CDH2: variants seen among roughly 807,000 people sequenced by gnomAD.
CDH2 encodes cadherin-2.
Under a neutral mutation model 92.0 loss-of-function variants are expected in CDH2, and 17 were observed. The observed-to-expected ratio is 0.18, with a 90% confidence interval of 0.13 to 0.28. The LOEUF is 0.28. CDH2 is among the 10% of genes least tolerant of loss of function. The pLI is 1.00. For synonymous variants in CDH2, 419 were observed against 415.9 expected (o/e 1.01, Z -0.09); for missense variants, 862 against 1,133.1 (o/e 0.76, Z 3.44).
chr18:28,041,389 T>C (rs932364294), intron 2 of CDH2, among the ~76,000 whole-genome samples: 2 of 152,210 alleles, frequency 1.3e-5, no homozygotes, highest in Non-Finnish European at 2.9e-5. Flanking sequence ...TATTTTCTCA[T>C]TGTAATCACA....
At chr18:28,009,171 A>G (rs2013025763) in intron 5 of CDH2, among the ~76,000 whole-genome samples, 1 of 152,192 alleles carries the variant, frequency 6.6e-6, no homozygotes, top group South Asian at 2.1e-4. Flanking sequence ...GCAGTGTAAA[A>G]ACGATGTTAT....
intron 2 of CDH2, among the ~76,000 whole-genome samples, chr18:28,026,948 C>T (rs1373450452): frequency 1.3e-5 from 2 of 152,040 alleles, no homozygotes; most frequent in Non-Finnish European, 2.9e-5. Context: ...GTAGAAGGGA[C>T]ACATATCACT....
At chr18:27,955,775 T>TTTTTTTTTTTTTTTTTTTTTTTTTTTG (rs2011232569) in intron 15 of CDH2, among the ~76,000 whole-genome samples, 1 of 133,500 alleles carries the variant, frequency 7.5e-6, no homozygotes, top group Non-Finnish European at 1.6e-5. Context: ...TTTTTTTTTT[T>TTTTTTTTTTTTTTTTTTTTTTTTTTTG]TTTTTAAAGA....
At chr18:28,042,018 G>C (rs2013957179) in intron 2 of CDH2, among the ~76,000 whole-genome samples, 1 of 151,738 alleles carries the variant, frequency 6.6e-6, no homozygotes, top group African/African-American at 2.4e-5. Context: ...ATATTAAGAG[G>C]GTAATCATCA....
At chr18:27,983,881 A>G (rs1334575940) in intron 13 of CDH2, among the ~76,000 whole-genome samples, 1 of 152,260 alleles carries the variant, frequency 6.6e-6, no homozygotes, top group Non-Finnish European at 1.5e-5. Context: ...CCCTAGGTGC[A>G]CATCTAGGAA....
chr18:28,064,752 A>G (rs1042673577), intron 2 of CDH2, among the ~76,000 whole-genome samples: 5 of 152,008 alleles, frequency 3.3e-5, no homozygotes, highest in African/African-American at 7.2e-5. Flanking sequence ...TAAATCACCA[A>G]TGTTACTGGA....
chr18:28,072,971 C>T (rs894880667), intron 2 of CDH2, among the ~76,000 whole-genome samples: 1 of 152,122 alleles, frequency 6.6e-6, no homozygotes, highest in Non-Finnish European at 1.5e-5. Flanking sequence ...CATCTAGCAT[C>T]CCTATTACTG....
intron 2 of CDH2, among the ~76,000 whole-genome samples, chr18:28,114,885 G>C (rs1289367199): frequency 4.0e-5 from 6 of 150,942 alleles, no homozygotes; most frequent in Non-Finnish European, 8.8e-5. Context: ...GCTGCCTACA[G>C]AATGCAAAAA....
rs994026564 is a variant in CDH2, at chr18:28,116,654, G to GT, written c.172+31018dup. 1.8e-4 allele frequency among the ~76,000 whole-genome samples: 28 copies of GT among 152,220 alleles called. 1 individual carries two copies. In the South Asian group the frequency reaches 5.2e-3, roughly 28 times the overall value. On this transcript the variant is annotated intron_variant, in intron 2 of 15. Coordinates refer to ENST00000269141, the MANE Select transcript of CDH2 (RefSeq NM_001792.5). ...ATACCAAAGGTCACTGACATTCAAGGTTTTTATACAAAACCAGCTAATGAT... is the reference window on the plus strand; with the variant it reads ...ATACCAAAGGTCACTGACATTCAAGGTTTTTTATACAAAACCAGCTAATGAT...
intron 2 of CDH2, among the ~76,000 whole-genome samples, chr18:28,045,207 C>T (rs943104520): frequency 3.9e-5 from 6 of 152,106 alleles, no homozygotes; most frequent in Non-Finnish European, 7.4e-5. Flanking sequence ...AAGGTTATAT[C>T]CTCTCCACTT....
chr18:28,056,013 A>G (rs2014285627), intron 2 of CDH2, among the ~76,000 whole-genome samples: 1 of 152,160 alleles, frequency 6.6e-6, no homozygotes, highest in Non-Finnish European at 1.5e-5. Context: ...AGTAGGGCAA[A>G]TGACTCCATA....
At chr18:28,154,442 T>C (rs554856599) in intron 1 of CDH2, among the ~76,000 whole-genome samples, 1 of 152,344 alleles carries the variant, frequency 6.6e-6, no homozygotes, top group Non-Finnish European at 1.5e-5. Context: ...CAATTTCCTC[T>C]TACAAGTATT....
At chr18:28,156,333 C>A (rs1036697002) in intron 1 of CDH2, among the ~76,000 whole-genome samples, 5 of 152,178 alleles carry the variant, frequency 3.3e-5, no homozygotes, top group Non-Finnish European at 5.9e-5. Context: ...GGCAGCCCCA[C>A]AATACAAGAG....
Position 28,005,861 on chromosome 18 carries a change from C to T in CDH2, c.835G>A (p.Gly279Arg), listed in dbSNP as rs1300747599. The change falls in exon 6 of 16, where the codon GGA (glycine) becomes AGA (arginine). Residue 279 changes from glycine to arginine, a missense_variant. Physicochemically the swap from Gly to Arg is moderately radical, Grantham distance 125. This residue lies in a region of CDH2 where 564 missense variants were observed against 722.2 expected (regional missense o/e 0.78). Coordinates refer to ENST00000269141, the MANE Select transcript of CDH2 (RefSeq NM_001792.5). ...HQVWNGTVPEGSKPGTYVMTV... is the reference protein window; with the variant it reads ...HQVWNGTVPERSKPGTYVMTV... ...TCTTTAAACTTACCAGGCTTTGATCCCTCAGGAACTGTCCCATTCCAAACC... is the reference window on the plus strand; with the variant it reads ...TCTTTAAACTTACCAGGCTTTGATCTCTCAGGAACTGTCCCATTCCAAACC... The T allele has an allele frequency of 6.2e-7, 1 of 1,610,110 alleles. No individual in the cohort carries two copies. The highest frequency in any genetic ancestry group is 8.5e-7 in the Non-Finnish European group (1 of 1,177,708).
chr18:28,018,768 TA>T (rs1195639474), intron 2 of CDH2, among the ~76,000 whole-genome samples: 1 of 151,702 alleles, frequency 6.6e-6, no homozygotes, highest in African/African-American at 2.4e-5. Context: ...GGTAATTCCT[TA>T]AAAAACTAAA....
rs2013286494 is a variant in CDH2 at position 28,017,545 on chromosome 18, T to C, written c.173-3636A>G. Among the ~76,000 whole-genome samples, 4 of 152,290 alleles carry C rather than the reference T, an allele frequency of 2.6e-5. 1 individual carries two copies. The South Asian group carries it at 8.3e-4, about 32-fold the overall frequency. On this transcript the variant is annotated intron_variant, in intron 2 of 15. Transcript: ENST00000269141. ...TCGTTAACGGTCTACTAGTTTTACT[T>C]ATCTTTCAAATAACCAGCTTTTTGT...
At position 27,985,708 on chromosome 18, in the gene CDH2, T is replaced by C; in HGVS notation, c.1795A>G (p.Asn599Asp). The change falls in exon 12 of 16, where the codon AAT (asparagine) becomes GAT (aspartate). Residue 599 changes from asparagine to aspartate, a missense_variant. By Grantham distance (23) the Asn-to-Asp change is conservative (BLOSUM62 1). Around this residue, in one of 5 missense-constraint regions of CDH2, gnomAD observed 564 missense variants for 722.2 expected, o/e 0.78. Transcript: ENST00000269141. ...GTLQIYLLDI[N>D]DNAPQVLPQE... ...GGTAACACTTGAGGGGCATTGTCAT[T>C]AATATCAAGTAAATAGATCTGCAGC... is the stretch of plus-strand genomic sequence containing the variant. 6.2e-7 allele frequency: 1 copy of C among 1,613,872 alleles called. No homozygotes were observed. Among genetic ancestry groups the C allele is most frequent in the Non-Finnish European group, 8.5e-7 (1 of 1,179,804 alleles).
At chr18:28,151,951 T>C (rs2016129401) in intron 1 of CDH2, among the ~76,000 whole-genome samples, 1 of 152,218 alleles carries the variant, frequency 6.6e-6, no homozygotes, top group African/African-American at 2.4e-5. Context: ...CTAATAAAAC[T>C]TCATGTATCC....
In CDH2 at chr18:27,957,787, T is replaced by C. The variant is rs192701686; in HGVS notation, c.2515-5428A>G. Among the ~76,000 whole-genome samples, 123 of 152,338 alleles carry C rather than the reference T, an allele frequency of 8.1e-4. 3 individuals are homozygous for C. The East Asian group carries it at 0.022, about 28-fold the overall frequency. ...AATCTAGATTTAAGACATATGTGGA[T>C]ATAAAAGTACACCATACTTACATTA... On this transcript the variant is annotated intron_variant, in intron 15 of 15. Coordinates refer to ENST00000269141, the MANE Select transcript of CDH2 (RefSeq NM_001792.5).
Sources: allele counts gnomAD v4.1 joint callset (sites outside exome capture counted in the v4.1 genomes callset), GRCh38; gene constraint gnomAD v4.1.1; regional missense constraint gnomAD v4.1.1; transcripts MANE v1.5; gene names NCBI Gene and HGNC (gene_info 2026-07-23, HGNC 2026-07-21).